NEB: variants seen among roughly 807,000 people sequenced by gnomAD.
NEB encodes the protein nebulin.
In NEB, 512 loss-of-function variants were observed where a neutral mutation model predicts 952.2. The ratio of observed to expected loss-of-function variants is 0.54; its 90% CI spans 0.50 to 0.58. The LOEUF (loss-of-function observed/expected upper bound fraction) is 0.58. Among genes scored for constraint, NEB ranks in the 20% least tolerant of loss-of-function variants. NEB has a pLI of 0.00. For missense variants in NEB, 8,428 were observed against 9,231.1 expected (o/e 0.91, Z 3.56); for synonymous variants, 2,900 against 3,149.8 (o/e 0.92, Z 2.66).
intron 55 of NEB, among the ~76,000 whole-genome samples, chr2:151,645,187 G>T (rs548548066): frequency 1.3e-5 from 2 of 152,182 alleles, no homozygotes; most frequent in South Asian, 2.1e-4. Context: ...GAAATGAAAT[G>T]GATTATTATT....
At chr2:151,493,706 A>G in intron 175 of NEB, 69 bp downstream of exon 175, 1 of 1,207,070 alleles carries the variant, frequency 8.3e-7, no homozygotes, top group South Asian at 1.5e-5. Flanking sequence ...TGTAAGATAA[A>G]TTAGTGGTAC....
In NEB at chr2:151,567,490, G is replaced by T; in HGVS notation, c.17845-11C>A. 1.9e-6 allele frequency: 3 copies of T among 1,591,824 alleles called. No individual in the cohort carries two copies. The highest frequency in any genetic ancestry group is 2.6e-6 in the Non-Finnish European group (3 of 1,167,788). Reference sequence around the variant, plus strand: ...AGCTTTGTATTTCAGCTGGCGAGAAGAGGAATATAAATTCCATCAGTTTTG... The same window carrying T: ...AGCTTTGTATTTCAGCTGGCGAGAATAGGAATATAAATTCCATCAGTTTTG... On this transcript the variant is annotated splice_polypyrimidine_tract_variant and intron_variant, in intron 113 of 181. Coordinates refer to ENST00000397345, the MANE Select transcript of NEB (RefSeq NM_001164508.2).
chr2:151,648,126 G>GCA (rs1228038465), intron 54 of NEB, among the ~76,000 whole-genome samples: 1 of 152,130 alleles, frequency 6.6e-6, no homozygotes, highest in Admixed American at 6.5e-5. Flanking sequence ...GTATATGTAT[G>GCA]CACACACACA....
rs2150995508 is a variant in NEB, at chr2:151,729,663, A to G, written c.37-7T>C. ...CCACTTCTTCTGTGTAGTACTGTAA[A>G]TAGAGCACAAAGGCATTGGCAAGAG... On this transcript the variant is annotated splice_region_variant and splice_polypyrimidine_tract_variant and intron_variant, in intron 3 of 181. Coordinates refer to ENST00000397345, the MANE Select transcript of NEB (RefSeq NM_001164508.2). 8.1e-6 allele frequency: 13 copies of G among 1,613,278 alleles called. No individual in the cohort carries two copies. Among genetic ancestry groups the G allele is most frequent in the Non-Finnish European group, 1.1e-5 (13 of 1,179,434 alleles).
intron 77 of NEB, among the ~76,000 whole-genome samples, chr2:151,613,651 A>G (rs1388299628): frequency 6.6e-6 from 1 of 152,114 alleles, no homozygotes; most frequent in African/African-American, 2.4e-5. Flanking sequence ...GTAATCCTCA[A>G]TGTTGGAGGA....
chr2:151,509,112 T>C (rs780803713), intron 161 of NEB, among the ~76,000 whole-genome samples: 7 of 152,210 alleles, frequency 4.6e-5, no homozygotes, highest in Non-Finnish European at 1.0e-4. Context: ...TTTGTTAATA[T>C]AGGAATTACA....
In NEB at chr2:151,546,400, C is replaced by T; in HGVS notation, c.20411G>A (p.Cys6804Tyr). Reference protein sequence around the residue: ...EDLQVLKGFGCFLYDTPDMVR... With the variant: ...EDLQVLKGFGYFLYDTPDMVR... ...CATGTCAGGAGTGTCATACAGGAAG[C>T]AGCCAAATCCCTTCAGGACCTGCAA... Residue 6804 changes from cysteine to tyrosine, a missense_variant, in exon 134 of 182, where the codon TGC (cysteine) becomes TAC (tyrosine). Transcript: ENST00000397345. 1 of 1,613,600 alleles carries T rather than the reference C, an allele frequency of 6.2e-7. No homozygotes were observed. The highest frequency in any genetic ancestry group is 8.5e-7 in the Non-Finnish European group (1 of 1,179,624).
In NEB at chr2:151,498,243, C is replaced by G. The variant is rs373742185; in HGVS notation, c.24207+17G>C. The stretch of plus-strand genomic sequence containing the variant: ...CTGAAGTTAAGTGGCATTTTTTCCC[C>G]TTTCTTTCCAAAATACCGAGCTAAG... On this transcript the variant is annotated intron_variant, in intron 170 of 181. Transcript: ENST00000397345. 2.8e-4 allele frequency: 432 copies of G among 1,550,710 alleles called. 5 individuals carry two copies. In the South Asian group the frequency reaches 3.4e-3, roughly 12 times the overall value.
chr2:151,575,585 C>T (rs1183314151), intron 107 of NEB, 110 bp downstream of exon 107: 9 of 768,330 alleles, frequency 1.2e-5, no homozygotes, highest in Non-Finnish European at 2.0e-5. Flanking sequence ...GAGTCTTCCC[C>T]TGTTGCGGGA....
intron 135 of NEB, among the ~76,000 whole-genome samples, chr2:151,545,670 C>T (rs531781478): frequency 4.6e-5 from 7 of 152,002 alleles, no homozygotes; most frequent in African/African-American, 1.4e-4. Context: ...TATGAATATG[C>T]GTATCTTACC....
chr2:151,722,260 C>G (rs1337642328), intron 9 of NEB, among the ~76,000 whole-genome samples: 3 of 152,132 alleles, frequency 2.0e-5, no homozygotes, highest in Admixed American at 2.0e-4. Context: ...ATATGGCCTC[C>G]CGCAAATCCA....
At position 151,497,675 on chromosome 2, in the gene NEB, A is replaced by G; in HGVS notation, c.24251T>C (p.Val8084Ala). 6.3e-7 allele frequency: 1 copy of G among 1,586,238 alleles called. No individual in the cohort carries two copies. The highest frequency in any genetic ancestry group is 8.6e-7 in the Non-Finnish European group (1 of 1,163,986). Reference sequence around the variant, plus strand: ...TTTGACTCTTTCCATCTCGGGAGTGACAGGTAAAGGGGTTCCCTTGCCCAT... The same window carrying G: ...TTTGACTCTTTCCATCTCGGGAGTGGCAGGTAAAGGGGTTCCCTTGCCCAT... ...ENMGKGTPLP[V>A]TPEMERVKHN... is the part of the protein sequence containing the mutation. Residue 8084 changes from valine (V) to alanine (A), a missense_variant, in exon 171 of 182, where the codon GTC (valine) becomes GCC (alanine). Transcript: ENST00000397345.
chr2:151,566,752 G>A (rs1309315590), intron 114 of NEB, among the ~76,000 whole-genome samples: 1 of 152,184 alleles, frequency 6.6e-6, no homozygotes, highest in Non-Finnish European at 1.5e-5. Context: ...TGAGGAATGA[G>A]ATGCTTGGCA....
chr2:151,640,049 C>G lies in NEB; in HGVS notation c.8697G>C (p.Lys2899Asn), dbSNP rs1236072572. ...AYDLQSDNMYKSDLQWMRGIG... is the reference protein window; with the variant it reads ...AYDLQSDNMYNSDLQWMRGIG... Reference sequence around the variant, plus strand: ...TGCCTCTCATCCACTGGAGATCAGACTTGTACATATTCTGTTGACACAAAT... The same window carrying G: ...TGCCTCTCATCCACTGGAGATCAGAGTTGTACATATTCTGTTGACACAAAT... The change falls in exon 62 of 182, where the codon AAG becomes AAC. Residue 2899 changes from lysine to asparagine, a missense_variant. Around this residue, in one of 11 missense-constraint regions of NEB, gnomAD observed 1,772 missense variants for 1,960.3 expected, o/e 0.90. Coordinates refer to ENST00000397345, the MANE Select transcript of NEB (RefSeq NM_001164508.2). 1.2e-6 allele frequency: 2 copies of G among 1,613,354 alleles called. No homozygotes were observed. Among genetic ancestry groups the G allele is most frequent in the Non-Finnish European group, 1.7e-6 (2 of 1,179,328 alleles).
Position 151,621,033 on chromosome 2 carries a change from AAAG to A in NEB, c.10453-10_10453-8del, listed in dbSNP as rs2098404969. The A allele has an allele frequency of 1.3e-6, 2 of 1,591,950 alleles. No homozygotes were observed. Among genetic ancestry groups the A allele is most frequent in the South Asian group, 2.3e-5 (2 of 88,448 alleles). On this transcript the variant is annotated splice_polypyrimidine_tract_variant and splice_region_variant and intron_variant, in intron 71 of 181. Coordinates refer to ENST00000397345, the MANE Select transcript of NEB (RefSeq NM_001164508.2). Reference sequence around the variant, plus strand: ...TGGCCTGACGATAGAGGCTCTGAGGAAAGAAGGAGTAGCTTTTAAATATAGAAT... The same window carrying A: ...TGGCCTGACGATAGAGGCTCTGAGGAAAGGAGTAGCTTTTAAATATAGAAT...
chr2:151,666,029 G>A, intron 41 of NEB, 61 bp downstream of exon 41: 23 of 1,498,920 alleles, frequency 1.5e-5, no homozygotes, highest in Non-Finnish European at 2.1e-5. Flanking sequence ...TGGAGTAAGT[G>A]GCTCCTGTTT....
chr2:151,569,931 A>G, intron 109 of NEB, 150 bp downstream of exon 109: 1 of 785,492 alleles, frequency 1.3e-6, no homozygotes, highest in Non-Finnish European at 2.0e-6. Flanking sequence ...GGATTTGGTG[A>G]TTTTGATACC....
chr2:151,697,161 T>G lies in NEB; in HGVS notation c.1457A>C (p.Asp486Ala), dbSNP rs1267279932. The change falls in exon 16 of 182, where the codon GAT (aspartate) becomes GCT (alanine). Residue 486 changes from aspartate to alanine, a missense_variant. This residue lies in a region of NEB where 2,851 missense variants were observed against 2,791.5 expected (regional missense o/e 1.02). Transcript: ENST00000397345. ...CTACAGACTTACGTCTTTACACTGA[T>G]CTAGTTTCTTAATTGCTTCATATTC... ...TQEYEAIKKL[D>A]QCKDHTYKVH... 1 of 1,612,678 alleles carries G rather than the reference T, an allele frequency of 6.2e-7. No homozygotes were observed. The highest frequency in any genetic ancestry group is 1.7e-5 in the Admixed American group (1 of 60,014).
intron 10 of NEB, among the ~76,000 whole-genome samples, chr2:151,714,001 G>T (rs772356823): frequency 1.4e-4 from 22 of 152,148 alleles, no homozygotes; most frequent in Non-Finnish European, 2.8e-4. Context: ...AGTATAATGA[G>T]TATTTTGAAT....
Sources: gnomAD v4.1 joint callset for allele counts (sites outside exome capture counted in the v4.1 genomes callset) on GRCh38, gnomAD v4.1.1 for gene constraint, gnomAD v4.1.1 regional missense constraint, MANE v1.5 for transcripts, NCBI Gene and HGNC (gene_info 2026-07-23, HGNC 2026-07-21) for gene names.